The following FGF13 variants were observed in gnomAD, a reference collection of about 807,000 sequenced individuals.
FGF13 encodes fibroblast growth factor homologous factor 2.
FGF13 carries 2 observed loss-of-function variants against 19.5 expected under a neutral mutation model. That is an observed-to-expected ratio of 0.10 (90% CI 0.04 to 0.32). The LOEUF (loss-of-function observed/expected upper bound fraction) is 0.32. FGF13 is among the 10% of genes least tolerant of loss of function. FGF13 has a pLI of 1.00. For missense variants in FGF13, 113 were observed against 192.7 expected (o/e 0.59, Z 2.45); for synonymous variants, 72 against 76.9 (o/e 0.94, Z 0.33).
intron 1 of FGF13, among the ~76,000 whole-genome samples, chrX:138,952,834 T>C (rs1213841247): frequency 9.0e-6 from 1 of 111,058 alleles, no homozygotes; most frequent in Non-Finnish European, 1.9e-5. Flanking sequence ...AAAATGCTCA[T>C]CATCACTGGC....
rs146309904 is a variant in FGF13 at position 138,921,835 on chromosome X, T to C, written c.-112-57185A>G. On this transcript the variant is annotated intron_variant, in intron 1 of 2. Transcript: ENST00000421460. ...GTGATACACTAGTTCTGCACTGTGC[T>C]AGGCACTGCAGGGAGATCCAAAAAT... Among the ~76,000 whole-genome samples the C allele has an allele frequency of 1.5e-3, 164 of 109,736 alleles. 1 individual carries two copies. Among genetic ancestry groups the C allele is most frequent in the African/African-American group, 5.2e-3 (158 of 30,219 alleles).
chrX:138,958,753 G>A (rs2091854409), intron 1 of FGF13, among the ~76,000 whole-genome samples: 1 of 111,060 alleles, frequency 9.0e-6, no homozygotes, highest in Non-Finnish European at 1.9e-5. Flanking sequence ...GTCTTGGGAG[G>A]GTGTATGTGT....
At chrX:138,798,475 T>C (rs953605373) in intron 3 of FGF13, among the ~76,000 whole-genome samples, 2 of 112,048 alleles carry the variant, frequency 1.8e-5, no homozygotes, top group African/African-American at 6.5e-5. Flanking sequence ...AGTATTTGAT[T>C]GAGGAATTTC....
At chrX:138,643,766 C>A (rs774926521) in intron 3 of FGF13, among the ~76,000 whole-genome samples, 2 of 111,477 alleles carry the variant, frequency 1.8e-5, no homozygotes, top group South Asian at 3.8e-4. Context: ...CTAAAAAACC[C>A]CCTATTAACC....
chrX:138,620,674 A>G lies in FGF13; in HGVS notation c.*12176T>C. 9.0e-6 allele frequency: 1 copy of G among 111,612 alleles called. No individual in the cohort carries two copies. Among genetic ancestry groups the G allele is most frequent in the Non-Finnish European group, 1.9e-5 (1 of 53,135 alleles). 9.2% of individuals were successfully genotyped at this position (111,612 alleles called of 1,213,427 possible). A position where few individuals can be genotyped will look rare whatever the true frequency, so the allele number is the denominator to read the frequency against. On this transcript the variant is annotated 3_prime_UTR_variant, in exon 5 of 5. Coordinates refer to ENST00000315930, the MANE Select transcript of FGF13 (RefSeq NM_004114.5). Reference sequence around the variant, plus strand: ...TAATGTAAGTAGATTAAATTCTCTAATCAAAAGACAGTGAGTGGCTGAATG... The same window carrying G: ...TAATGTAAGTAGATTAAATTCTCTAGTCAAAAGACAGTGAGTGGCTGAATG...
At chrX:138,829,722 T>A (rs1422307835) in intron 3 of FGF13, among the ~76,000 whole-genome samples, 2 of 110,826 alleles carry the variant, frequency 1.8e-5, no homozygotes, top group Non-Finnish European at 3.8e-5. Context: ...AAGCTTCTAT[T>A]CTATTTTTTT....
At chrX:139,199,020 T>C (rs1371566490) in intron 1 of FGF13, among the ~76,000 whole-genome samples, 1 of 112,643 alleles carries the variant, frequency 8.9e-6, no homozygotes, top group Non-Finnish European at 1.9e-5. Flanking sequence ...ATAACCTACA[T>C]TTCAAGTTGA....
chrX:139,055,132 C>T (rs1209389023), intron 1 of FGF13, among the ~76,000 whole-genome samples: 3 of 111,192 alleles, frequency 2.7e-5, no homozygotes, highest in Admixed American at 9.6e-5. Context: ...TCAGCAGTGA[C>T]AGTCTGACTA....
chrX:138,809,897 G>A (rs2090906418), intron 3 of FGF13, among the ~76,000 whole-genome samples: 1 of 111,215 alleles, frequency 9.0e-6, no homozygotes, highest in Non-Finnish European at 1.9e-5. Context: ...GGATGTGAAG[G>A]ACCTCTTCAA....
At chrX:139,190,533 T>A (rs1478408933) in intron 1 of FGF13, among the ~76,000 whole-genome samples, 1 of 112,048 alleles carries the variant, frequency 8.9e-6, no homozygotes, top group Non-Finnish European at 1.9e-5. Flanking sequence ...TCTATGACCT[T>A]GGGCAAGTCA....
rs144081117 is a variant in FGF13 at position 138,625,483 on chromosome X, T to G, written c.*7367A>C. 1.1e-5 allele frequency: 1 copy of G among 90,038 alleles called. No homozygotes were observed. The highest frequency in any genetic ancestry group is 5.1e-5 in the African/African-American group (1 of 19,709). The allele number at this position is 90,038 out of a possible 1,213,427, so 7.4% of individuals were successfully genotyped here. A position where few individuals can be genotyped will look rare whatever the true frequency, so the allele number is the denominator to read the frequency against. ...TTATATATATATACATATATATATA[T>G]AATATATATATATACATATATATAT... On this transcript the variant is annotated 3_prime_UTR_variant, in exon 5 of 5. Transcript: ENST00000315930.
At chrX:138,766,534 G>A (rs1324024436) in intron 3 of FGF13, among the ~76,000 whole-genome samples, 1 of 112,243 alleles carries the variant, frequency 8.9e-6, no homozygotes, top group East Asian at 2.8e-4. Context: ...GCTATTAGAA[G>A]TCAAATAACG....
At position 138,982,583 on chromosome X, in the gene FGF13, C is replaced by A. The variant is rs982160448; in HGVS notation, c.-112-117933G>T. On this transcript the variant is annotated intron_variant, in intron 1 of 2. Coordinates refer to the FGF13 transcript ENST00000421460. ...TCAGGGATTCATAGAGGAAGTTGCA[C>A]AAGAAAGGCTGAAGAAATAATCATT... Among the ~76,000 whole-genome samples, 3 of 112,024 alleles carry A rather than the reference C, an allele frequency of 2.7e-5. No individual in the cohort carries two copies. The Admixed American group carries it at 2.8e-4, about 11-fold the overall frequency.
At chrX:139,193,163 C>T (rs1288251080) in intron 1 of FGF13, among the ~76,000 whole-genome samples, 1 of 110,537 alleles carries the variant, frequency 9.0e-6, no homozygotes, top group Non-Finnish European at 1.9e-5. Flanking sequence ...CAAGAGTCCT[C>T]TAACTTGAAA....
chrX:139,119,307 T>G (rs2083661121), intron 1 of FGF13, among the ~76,000 whole-genome samples: 1 of 112,558 alleles, frequency 8.9e-6, no homozygotes, highest in South Asian at 3.7e-4. Context: ...TTACTCCTTG[T>G]ATTCATTACA....
intron 1 of FGF13, among the ~76,000 whole-genome samples, chrX:139,175,665 T>C (rs2084175583): frequency 1.8e-5 from 2 of 112,089 alleles, no homozygotes; most frequent in Non-Finnish European, 3.8e-5. Flanking sequence ...AATCATGTGG[T>C]TTTTGTCACT....
rs745993141 is a variant in FGF13, at chrX:138,631,231, A to G, written c.*1619T>C. 1 of 112,280 alleles carries G rather than the reference A, an allele frequency of 8.9e-6. No homozygotes were observed. The highest frequency in any genetic ancestry group is 3.2e-5 in the African/African-American group (1 of 30,945). 9.3% of individuals were successfully genotyped at this position (112,280 alleles called of 1,213,427 possible). On this transcript the variant is annotated 3_prime_UTR_variant, in exon 5 of 5. Transcript: ENST00000315930. ...TTTCCTTCAGTTCTCAAAGGTAGAA[A>G]GGACACTATTTAGTCCTGTGTATTC...
At chrX:138,732,009 GGCA>G (rs2090235821) in intron 1 of FGF13, among the ~76,000 whole-genome samples, 1 of 111,360 alleles carries the variant, frequency 9.0e-6, no homozygotes, top group South Asian at 3.7e-4. Flanking sequence ...TTAGTCATTA[GGCA>G]GATGCAAATT....
At position 138,710,761 on chromosome X, in the gene FGF13, C is replaced by T. The variant is rs910186567; in HGVS notation, c.187+56G>A. On this transcript the variant is annotated intron_variant, in intron 1 of 4. Coordinates refer to ENST00000315930, the MANE Select transcript of FGF13 (RefSeq NM_004114.5). ...ACCTATGCTACATACCTGCTCCCCACCGCCCCCACCTCACTCGTAAAGTAT... is the reference window on the plus strand; with the variant it reads ...ACCTATGCTACATACCTGCTCCCCATCGCCCCCACCTCACTCGTAAAGTAT... 1.0e-5 allele frequency: 12 copies of T among 1,192,134 alleles called. No homozygotes were observed. In the African/African-American group the frequency reaches 1.9e-4, roughly 19 times the overall value.
Sources: gnomAD v4.1 joint callset for allele counts (sites outside exome capture counted in the v4.1 genomes callset) on GRCh38, gnomAD v4.1.1 for gene constraint, MANE v1.5 for transcripts, NCBI Gene and HGNC (gene_info 2026-07-23, HGNC 2026-07-21) for gene names.